The following AHNAK2 variants were observed in gnomAD, a reference collection of about 807,000 sequenced individuals.
The protein encoded by AHNAK2 is protein AHNAK2.
A neutral mutation model predicts 30.7 loss-of-function variants in AHNAK2; 18 were observed. The observed-to-expected ratio is 0.59, with a 90% CI of 0.41 to 0.87. The LOEUF is 0.87. Among genes scored for constraint, AHNAK2 ranks in the 40% least tolerant of loss-of-function variants. AHNAK2 has a pLI of 0.00. For synonymous variants in AHNAK2, 3,590 were observed against 3,073.8 expected (o/e 1.17, Z -5.56); for missense variants, 8,604 against 7,373.0 (o/e 1.17, Z -6.11).
In AHNAK2 at chr14:104,949,920, G is replaced by A. The variant is rs201728587; in HGVS notation, c.5531C>T (p.Ala1844Val). 394 of 1,589,076 alleles carry A rather than the reference G, an allele frequency of 2.5e-4. 19 individuals carry two copies. The highest frequency in any genetic ancestry group is 9.4e-4 in the East Asian group (42 of 44,686). ...GVSAPGKSIEASVDVSAPKVE... is the reference protein window; with the variant it reads ...GVSAPGKSIEVSVDVSAPKVE... ...CTTCGGCGCAGACACATCCACCGAG[G>A]CCTCGATGGACTTGCCTGGGGCAGA... The change falls in exon 7 of 7, where the codon GCC becomes GTC. Residue 1844 changes from alanine (A) to valine (V), a missense_variant. By Grantham distance (64) the Ala-to-Val change is moderately conservative (BLOSUM62 0). Coordinates refer to ENST00000333244, the MANE Select transcript of AHNAK2 (RefSeq NM_138420.4).
rs2819442 is a variant in AHNAK2, at chr14:104,952,674, A to T, written c.2777T>A (p.Met926Lys). Residue 926 changes from methionine (M) to lysine (K), a missense_variant, in exon 7 of 7, where the codon ATG becomes AAG. By Grantham distance (95) the Met-to-Lys change is moderately conservative. Transcript: ENST00000333244. ...LPKVEMPSFK[M>K]PKVDLKGPQI... Reference sequence around the variant, plus strand: ...GGGGCCCTTGAGGTCCACTTTGGGCATCTTGAAACTGGGCATCTCCACTTT... The same window carrying T: ...GGGGCCCTTGAGGTCCACTTTGGGCTTCTTGAAACTGGGCATCTCCACTTT... 1.2e-6 allele frequency: 2 copies of T among 1,612,434 alleles called. No individual in the cohort carries two copies. The highest frequency in any genetic ancestry group is 1.7e-4 in the Middle Eastern group (1 of 6,054).
At chr14:104,969,115 A>G (rs2140881977) in intron 1 of AHNAK2, among the ~76,000 whole-genome samples, 1 of 152,266 alleles carries the variant, frequency 6.6e-6, no homozygotes, top group Admixed American at 6.5e-5. Context: ...TCTCGGGATG[A>G]GCTCAGGCTC....
rs1897922030 is a variant in AHNAK2 at position 104,939,737 on chromosome 14, A to G, written c.15714T>C (p.Ser5238=). The G allele has an allele frequency of 6.2e-7, 1 of 1,613,776 alleles. No homozygotes were observed. The highest frequency in any genetic ancestry group is 1.3e-5 in the African/African-American group (1 of 74,940). ...ACATAGCTGCCTCCACGTTTGACCC[A>G]GAAACAAGGAACTCTTTGACTTTAG... The part of the protein sequence containing the change: ...AAAKVKEFLV[S]GSNVEAAMSL... Residue 5238 remains serine, a synonymous_variant, in exon 7 of 7, where the codon TCT becomes TCC. Transcript: ENST00000333244.
In AHNAK2 at chr14:104,949,605, A is replaced by C; in HGVS notation, c.5846T>G (p.Val1949Gly). ...KAEVTAPDVE[V>G]SLPSMEVDVQ... ...ATCCACCTCCATGCTGGGCAGAGAC[A>C]CCTCGACATCGGGGGCTGTCACTTC... is the stretch of plus-strand genomic sequence containing the variant. The change falls in exon 7 of 7, where the codon GTG (valine) becomes GGG (glycine). Residue 1949 changes from valine to glycine, a missense_variant. By Grantham distance (109) the Val-to-Gly change is moderately radical (BLOSUM62 -3). Coordinates refer to ENST00000333244, the MANE Select transcript of AHNAK2 (RefSeq NM_138420.4). 1 of 1,588,970 alleles carries C rather than the reference A, an allele frequency of 6.3e-7. No homozygotes were observed. The highest frequency in any genetic ancestry group is 8.6e-7 in the Non-Finnish European group (1 of 1,163,416).
At position 104,945,264 on chromosome 14, in the gene AHNAK2, A is replaced by G; in HGVS notation, c.10187T>C (p.Met3396Thr). The change falls in exon 7 of 7, where the codon ATG becomes ACG. Residue 3396 changes from methionine to threonine, a missense_variant. Physicochemically the swap from Met to Thr is moderately conservative, Grantham distance 81. Coordinates refer to ENST00000333244, the MANE Select transcript of AHNAK2 (RefSeq NM_138420.4). Reference protein sequence around the residue: ...GLKGHLPKVEMPSFKMPKVDL... With the variant: ...GLKGHLPKVETPSFKMPKVDL... ...CACTTTGGGCATCTTGAAACTGGGC[A>G]TCTCCACCTTGGGCAGGTGCCCTTT... is the stretch of plus-strand genomic sequence containing the variant. The G allele has an allele frequency of 6.2e-7, 1 of 1,612,686 alleles. No homozygotes were observed. Among genetic ancestry groups the G allele is most frequent in the Non-Finnish European group, 8.5e-7 (1 of 1,179,512 alleles).
intron 1 of AHNAK2, among the ~76,000 whole-genome samples, chr14:104,972,282 G>A (rs997693047): frequency 1.6e-4 from 25 of 152,212 alleles, no homozygotes; most frequent in South Asian, 2.1e-4. Context: ...CTATTTACAC[G>A]GAGGCAGGAA....
In AHNAK2 at chr14:104,944,230, C is replaced by A. The variant is rs1309677827; in HGVS notation, c.11221G>T (p.Val3741Leu). 1 of 1,609,532 alleles carries A rather than the reference C, an allele frequency of 6.2e-7. No individual in the cohort carries two copies. Among genetic ancestry groups the A allele is most frequent in the Non-Finnish European group, 8.5e-7 (1 of 1,178,126 alleles). Reference sequence around the variant, plus strand: ...TCCAGCTTGGGGCCCTTGATGTCCACCTGGGGGCCCTTGAGGTCCACTTTG... The same window carrying A: ...TCCAGCTTGGGGCCCTTGATGTCCAACTGGGGGCCCTTGAGGTCCACTTTG... ...MPKVDLKGPQ[V>L]DIKGPKLDLK... The change falls in exon 7 of 7, where the codon GTG (valine) becomes TTG (leucine). Residue 3741 changes from valine (V) to leucine (L), a missense_variant. Coordinates refer to ENST00000333244, the MANE Select transcript of AHNAK2 (RefSeq NM_138420.4).
rs758892424 is a variant in AHNAK2, at chr14:104,940,287, C to T, written c.15164G>A (p.Gly5055Glu). 3.1e-6 allele frequency: 5 copies of T among 1,613,744 alleles called. No individual in the cohort carries two copies. In the African/African-American group the frequency reaches 6.7e-5, roughly 22 times the overall value. Residue 5055 changes from glycine to glutamate, a missense_variant, in exon 7 of 7, where the codon GGG (glycine) becomes GAG (glutamate). Coordinates refer to ENST00000333244, the MANE Select transcript of AHNAK2 (RefSeq NM_138420.4). The surrounding 1 kb of genome is among the most constrained non-coding windows in gnomAD (Gnocchi z 4.4). ...VDPSLSSATA[G>E]GSFQDTEKAS... ...CTTTTCTGTGTCTTGAAAGCTACCC[C>T]CTGCTGTGGCACTAGAAAGGGAAGG...
chr14:104,946,362 G>T lies in AHNAK2; in HGVS notation c.9089C>A (p.Pro3030His), dbSNP rs1288219061. 1.9e-6 allele frequency: 3 copies of T among 1,611,878 alleles called. No homozygotes were observed. Among genetic ancestry groups the T allele is most frequent in the African/African-American group, 2.7e-5 (2 of 74,334 alleles). ...CTGGACCTCCAGTTGGGCAGAGGGGGGCTCAATGCTGATGTCAGTGGTCTT... is the reference window on the plus strand; with the variant it reads ...CTGGACCTCCAGTTGGGCAGAGGGGTGCTCAATGCTGATGTCAGTGGTCTT... ...DLKTTDISIE[P>H]PSAQLEVQAG... The change falls in exon 7 of 7, where the codon CCC (proline) becomes CAC (histidine). Residue 3030 changes from proline (P) to histidine (H), a missense_variant. Coordinates refer to ENST00000333244, the MANE Select transcript of AHNAK2 (RefSeq NM_138420.4).
In AHNAK2 at chr14:104,950,602, C is replaced by A; in HGVS notation, c.4849G>T (p.Val1617Leu). 2 of 1,587,154 alleles carry A rather than the reference C, an allele frequency of 1.3e-6. No individual in the cohort carries two copies. The highest frequency in any genetic ancestry group is 1.7e-6 in the Non-Finnish European group (2 of 1,162,810). Residue 1617 changes from valine (V) to leucine (L), a missense_variant, in exon 7 of 7, where the codon GTG becomes TTG. By Grantham distance (32) the Val-to-Leu change is conservative (BLOSUM62 1). Transcript: ENST00000333244. ...TCCATGCTGGACAGAGACATCTTCA[C>A]ATCGGGGGCTGTCACTTCCACCTTG... ...GPKVEVTAPD[V>L]KMSLSSMEVD...
chr14:104,952,295 A>G lies in AHNAK2; in HGVS notation c.3156T>C (p.Ser1052=), dbSNP rs202146455. ...KTTDLSIQPA[S]TDLKVQADQV... ...GGTCAGCCTGGACCTTCAGGTCAGT[A>G]GAAGCAGGCTGAATGCTGAGGTCAG... Residue 1052 remains serine (S), a synonymous_variant, in exon 7 of 7, where the codon TCT becomes TCC. Coordinates refer to ENST00000333244, the MANE Select transcript of AHNAK2 (RefSeq NM_138420.4). The G allele has an allele frequency of 8.4e-5, 135 of 1,605,522 alleles. 5 individuals are homozygous for G. The East Asian group carries it at 9.1e-4, about 11-fold the overall frequency.
chr14:104,956,752 G>A, intron 3 of AHNAK2, 63 bp from the exon 4 acceptor site: 2 of 1,516,878 alleles, frequency 1.3e-6, no homozygotes, highest in Admixed American at 1.7e-5. Context: ...AGGGGCACAG[G>A]TAGGCTGGTG....
At position 104,949,945 on chromosome 14, in the gene AHNAK2, A is replaced by G; in HGVS notation, c.5506T>C (p.Ser1836Pro). ...GCCTCGATGGACTTGCCTGGGGCAG[A>G]CACCCCGAACGACGGCATCTTGAAC... is the stretch of plus-strand genomic sequence containing the variant. ...PKFKMPSFGV[S>P]APGKSIEASV... Residue 1836 changes from serine to proline, a missense_variant, in exon 7 of 7, where the codon TCT (serine) becomes CCT (proline). Physicochemically the swap from Ser to Pro is moderately conservative, Grantham distance 74. Transcript: ENST00000333244. 1 of 1,588,272 alleles carries G rather than the reference A, an allele frequency of 6.3e-7. No individual in the cohort carries two copies. The highest frequency in any genetic ancestry group is 8.6e-7 in the Non-Finnish European group (1 of 1,163,412).
chr14:104,974,055 G>A (rs550976471), intron 1 of AHNAK2, among the ~76,000 whole-genome samples: 52 of 150,898 alleles, frequency 3.4e-4, no homozygotes, highest in African/African-American at 1.2e-3. Flanking sequence ...ATATTTATCC[G>A]AGCAAGGAAG....
chr14:104,954,534 A>T lies in AHNAK2; in HGVS notation c.917T>A (p.Val306Glu), dbSNP rs752459216. 6.2e-7 allele frequency: 1 copy of T among 1,610,674 alleles called. No homozygotes were observed. The highest frequency in any genetic ancestry group is 1.1e-5 in the South Asian group (1 of 90,704). Residue 306 changes from valine (V) to glutamate (E), a missense_variant, in exon 7 of 7, where the codon GTG becomes GAG. Val to Glu is a moderately radical substitution (Grantham distance 121). Coordinates refer to ENST00000333244, the MANE Select transcript of AHNAK2 (RefSeq NM_138420.4). The surrounding 1 kb of genome is among the most constrained non-coding windows in gnomAD (Gnocchi z 4.3). ...TSTDTEAQLTVERQEQKAGPG... is the reference protein window; with the variant it reads ...TSTDTEAQLTEERQEQKAGPG... ...CCCTGCCTTCTGCTCTTGGCGCTCCACCGTGAGCTGGGCCTCTGTGTCTGT... is the reference window on the plus strand; with the variant it reads ...CCCTGCCTTCTGCTCTTGGCGCTCCTCCGTGAGCTGGGCCTCTGTGTCTGT...
Position 104,950,021 on chromosome 14 carries a change from G to A in AHNAK2, c.5430C>T (p.Ser1810=), listed in dbSNP as rs1350600700. The A allele has an allele frequency of 1.3e-6, 2 of 1,587,204 alleles. No individual in the cohort carries two copies. Among genetic ancestry groups the A allele is most frequent in the Admixed American group, 1.7e-5 (1 of 57,664 alleles). ...TGGCAGTCACATCCTTGTCGGCCAGGGACAGGTCACCCTCCAGCCGCACAC... is the reference window on the plus strand; with the variant it reads ...TGGCAGTCACATCCTTGTCGGCCAGAGACAGGTCACCCTCCAGCCGCACAC... ...LDSVRLEGDL[S]LADKDVTAKD... The change falls in exon 7 of 7, where the codon TCC becomes TCT. Residue 1810 remains serine (S), a synonymous_variant. Transcript: ENST00000333244.
rs775235813 is a variant in AHNAK2, at chr14:104,954,228, G to T, written c.1223C>A (p.Thr408Asn). The T allele has an allele frequency of 1.9e-6, 3 of 1,611,672 alleles. No homozygotes were observed. Among genetic ancestry groups the T allele is most frequent in the Admixed American group, 1.7e-5 (1 of 60,006 alleles). ...TGCCCTGAGTCCCCCTTCCTGAGGG[G>T]TTCCCTCGCAAAGTCTAGGGTCACC... ...ELGDPRLCEG[T>N]PQEGGLRAAR... Residue 408 changes from threonine to asparagine, a missense_variant, in exon 7 of 7, where the codon ACC (threonine) becomes AAC (asparagine). By Grantham distance (65) the Thr-to-Asn change is moderately conservative. Coordinates refer to ENST00000333244, the MANE Select transcript of AHNAK2 (RefSeq NM_138420.4). This position sits in a 1 kb window ranked among gnomAD's most constrained non-coding sequence, Gnocchi z 4.3.
intron 1 of AHNAK2, among the ~76,000 whole-genome samples, chr14:104,973,900 A>G (rs913415914): frequency 6.6e-6 from 1 of 151,968 alleles, no homozygotes; most frequent in African/African-American, 2.4e-5. Context: ...AGGGGAGGGG[A>G]GGGCGGTGGC....
chr14:104,964,179 A>C (rs1300281737), intron 1 of AHNAK2, among the ~76,000 whole-genome samples: 1 of 152,244 alleles, frequency 6.6e-6, no homozygotes, highest in Non-Finnish European at 1.5e-5. Context: ...ATGGGCAAGA[A>C]AACACTGGAA....
Sources: gnomAD v4.1 joint callset for allele counts (sites outside exome capture counted in the v4.1 genomes callset) on GRCh38, gnomAD v4.1.1 for gene constraint, Gnocchi (gnomAD v3.1) non-coding constraint, MANE v1.5 for transcripts, NCBI Gene and HGNC (gene_info 2026-07-23, HGNC 2026-07-21) for gene names.